Variants in NPAS3 observed in about 807,000 individuals in gnomAD.
NPAS3 encodes neuronal PAS domain protein 3, also known as neuronal PAS domain-containing protein 3.
NPAS3 carries 14 observed loss-of-function variants against 73.1 expected under a neutral mutation model. The ratio of observed to expected loss-of-function variants is 0.19; its 90% confidence interval spans 0.13 to 0.30. The LOEUF is 0.30. Among genes scored for constraint, NPAS3 ranks in the 10% least tolerant of loss-of-function variants. The pLI, the probability that NPAS3 is intolerant of heterozygous loss-of-function variation, is 1.00. For missense variants in NPAS3, 1,096 were observed against 1,250.0 expected, an observed-to-expected ratio of 0.88 and a Z score of 1.86; for synonymous variants, 620 against 541.5, an observed-to-expected ratio of 1.14 and a Z score of -2.01.
intron 3 of NPAS3, among the ~76,000 whole-genome samples, chr14:33,321,556 G>T (rs1252924009): frequency 2.6e-5 from 4 of 151,834 alleles, no homozygotes; most frequent in Non-Finnish European, 5.9e-5. Flanking sequence ...AGACAGCATG[G>T]GATTTGGAGC....
intron 5 of NPAS3, among the ~76,000 whole-genome samples, chr14:33,568,214 A>G (rs1299823051): frequency 6.6e-6 from 1 of 152,206 alleles, no homozygotes; most frequent in Non-Finnish European, 1.5e-5. Context: ...ACTGAGCAAA[A>G]GTAAGATTAA....
chr14:33,566,960 A>G (rs975857087), intron 5 of NPAS3, among the ~76,000 whole-genome samples: 1 of 152,272 alleles, frequency 6.6e-6, no homozygotes, highest in Non-Finnish European at 1.5e-5. Flanking sequence ...GATAGAATCC[A>G]CAGGGCTTCT....
intron 3 of NPAS3, among the ~76,000 whole-genome samples, chr14:33,265,717 G>C (rs190137354): frequency 6.6e-6 from 1 of 152,102 alleles, no homozygotes; most frequent in East Asian, 1.9e-4. Flanking sequence ...CAGCAATGTA[G>C]ATCTGGGGCC....
At chr14:33,567,468 T>C (rs1595171403) in intron 5 of NPAS3, among the ~76,000 whole-genome samples, 1 of 152,162 alleles carries the variant, frequency 6.6e-6, no homozygotes, top group South Asian at 2.1e-4. Flanking sequence ...TAGTGTCCTC[T>C]CAGAAGTGGG....
intron 4 of NPAS3, among the ~76,000 whole-genome samples, chr14:33,530,872 A>C (rs1300345771): frequency 6.6e-6 from 1 of 152,134 alleles, no homozygotes; most frequent in African/African-American, 2.4e-5. Context: ...ACTGGTGATC[A>C]GACTTTCAGT....
At chr14:33,497,941 A>G (rs2052294482) in intron 4 of NPAS3, among the ~76,000 whole-genome samples, 1 of 152,162 alleles carries the variant, frequency 6.6e-6, no homozygotes, top group Admixed American at 6.5e-5. Flanking sequence ...TTTGCAATCT[A>G]TCCATCTGAC....
At chr14:33,728,966 G>A (rs4597228) in intron 6 of NPAS3, among the ~76,000 whole-genome samples, 53,430 of 151,920 alleles carry the variant, frequency 0.35, 9,934 homozygotes, top group African/African-American at 0.47. Context: ...ATTCTTCTTA[G>A]AAGAAAGTAT....
intron 4 of NPAS3, among the ~76,000 whole-genome samples, chr14:33,388,874 T>C (rs959626185): frequency 2.0e-5 from 3 of 152,158 alleles, no homozygotes; most frequent in Non-Finnish European, 4.4e-5. Context: ...AATTAAGTAA[T>C]ATAATCCACG....
chr14:33,344,750 T>C (rs572746301), intron 3 of NPAS3, among the ~76,000 whole-genome samples: 2 of 152,358 alleles, frequency 1.3e-5, no homozygotes, highest in East Asian at 3.9e-4. Flanking sequence ...TTTAATAGCG[T>C]ACAGTTTCCT....
At chr14:33,361,968 A>G (rs1388004757) in intron 3 of NPAS3, among the ~76,000 whole-genome samples, 1 of 152,224 alleles carries the variant, frequency 6.6e-6, no homozygotes, top group Non-Finnish European at 1.5e-5. Context: ...CCTTGATGAA[A>G]GTACACTGAA....
At chr14:33,784,752 T>TTTTTTTTTTTA (rs2063111510) in intron 9 of NPAS3, among the ~76,000 whole-genome samples, 2 of 112,686 alleles carry the variant, frequency 1.8e-5, no homozygotes, top group African/African-American at 7.7e-5. Context: ...TTTATTTTTT[T>TTTTTTTTTTTA]TTTTTTTTTT....
intron 6 of NPAS3, among the ~76,000 whole-genome samples, chr14:33,685,437 G>A (rs1020040917): frequency 6.6e-6 from 1 of 152,162 alleles, no homozygotes; most frequent in Non-Finnish European, 1.5e-5. Context: ...ACTGATGGAC[G>A]TTATCAAGGG....
intron 2 of NPAS3, among the ~76,000 whole-genome samples, chr14:33,149,257 C>T (rs374664061): frequency 3.3e-5 from 5 of 152,164 alleles, no homozygotes; most frequent in African/African-American, 9.7e-5. Flanking sequence ...AAACTTGATA[C>T]GCTTTGTGCC....
rs112041446 is a variant in NPAS3 at position 33,004,618 on chromosome 14, A to T, written c.51-51287A>T. Reference sequence around the variant, plus strand: ...CACACTGTTCACTTAGGCTACACTAAATTTATTTTAAAAATATTTTTCTTC... The same window carrying T: ...CACACTGTTCACTTAGGCTACACTATATTTATTTTAAAAATATTTTTCTTC... On this transcript the variant is annotated intron_variant, in intron 1 of 11. Coordinates refer to ENST00000356141, the Ensembl canonical transcript of NPAS3. 2.1e-3 allele frequency among the ~76,000 whole-genome samples: 323 copies of T among 152,180 alleles called. 1 individual carries two copies. The highest frequency in any genetic ancestry group is 7.5e-3 in the African/African-American group (310 of 41,512).
chr14:33,316,174 T>C (rs1194936975), intron 3 of NPAS3, among the ~76,000 whole-genome samples: 1 of 152,134 alleles, frequency 6.6e-6, no homozygotes, highest in East Asian at 1.9e-4. Context: ...TTTCTGTTAA[T>C]ACATATCAGT....
intron 4 of NPAS3, among the ~76,000 whole-genome samples, chr14:33,496,552 A>G (rs1415867107): frequency 6.6e-6 from 1 of 152,312 alleles, no homozygotes. Flanking sequence ...CAACATACTC[A>G]AATAAATAAA....
chr14:33,494,196 A>G (rs922754970), intron 4 of NPAS3, among the ~76,000 whole-genome samples: 3 of 152,150 alleles, frequency 2.0e-5, no homozygotes. Flanking sequence ...GGCTCAGAAG[A>G]GACCTCAGTT....
chr14:33,097,280 T>C (rs1595442369), intron 2 of NPAS3, among the ~76,000 whole-genome samples: 1 of 152,218 alleles, frequency 6.6e-6, no homozygotes, highest in East Asian at 1.9e-4. Flanking sequence ...TTTTATCTAC[T>C]CTTGAACTTC....
intron 5 of NPAS3, among the ~76,000 whole-genome samples, chr14:33,618,639 G>C (rs139240460): frequency 1.3e-5 from 2 of 152,136 alleles, no homozygotes; most frequent in African/African-American, 4.8e-5. Flanking sequence ...GGTTGGTACC[G>C]GTCTATGGCC....
Sources: gnomAD v4.1 joint callset for allele counts (sites outside exome capture counted in the v4.1 genomes callset) on GRCh38, gnomAD v4.1.1 for gene constraint, MANE v1.5 for transcripts, NCBI Gene and HGNC (gene_info 2026-07-23, HGNC 2026-07-21) for gene names.